Variants in STEAP1B observed in about 807,000 individuals in gnomAD.
The protein encoded by STEAP1B is STEAP family member 1B.
STEAP1B carries 13 observed loss-of-function variants against 27.9 expected under a neutral mutation model. That is an observed-to-expected ratio of 0.47 (90% CI 0.30 to 0.74). The LOEUF is 0.74. Among genes scored for constraint, STEAP1B ranks in the 30% least tolerant of loss-of-function variants. The probability of loss-of-function intolerance (pLI) is 0.06; values close to 1 mark genes in which losing one functional copy is unlikely to be tolerated. For synonymous variants in STEAP1B, 86 were observed against 107.1 expected (o/e 0.80, Z 1.22); for missense variants, 250 against 298.7 (o/e 0.84, Z 1.20).
At chr7:22,423,094 A>G (rs1240008677) in intron 4 of STEAP1B, among the ~76,000 whole-genome samples, 1 of 152,234 alleles carries the variant, frequency 6.6e-6, no homozygotes, top group Non-Finnish European at 1.5e-5. Flanking sequence ...AGACAAGTGA[A>G]GGAGCTCAGT....
intron 1 of STEAP1B, among the ~76,000 whole-genome samples, chr7:22,496,271 G>A (rs578250383): frequency 5.3e-4 from 81 of 152,098 alleles, no homozygotes; most frequent in Non-Finnish European, 8.5e-4. Context: ...ACAATGTGAC[G>A]ATGTTTTAAG....
chr7:22,475,211 G>T (rs1195735638), intron 4 of STEAP1B, among the ~76,000 whole-genome samples: 1 of 152,270 alleles, frequency 6.6e-6, no homozygotes, highest in East Asian at 1.9e-4. Context: ...CTCCTAACGG[G>T]CACCTGGCAT....
intron 4 of STEAP1B, among the ~76,000 whole-genome samples, chr7:22,459,998 G>A (rs1785651200): frequency 6.6e-6 from 1 of 152,092 alleles, no homozygotes. Context: ...TTAAATGGAG[G>A]AATTTATGAG....
In STEAP1B at chr7:22,494,816, A is replaced by T; in HGVS notation, c.40T>A (p.Trp14Arg). 1.3e-6 allele frequency: 2 copies of T among 1,590,204 alleles called. No individual in the cohort carries two copies. The highest frequency in any genetic ancestry group is 1.7e-6 in the Non-Finnish European group (2 of 1,167,354). ...AAATTTCTCCTAGGCTTCATTTTCC[A>T]AATTTCTTCTTGGTTTGTGATGTCT... ...RKDITNQEEI[W>R]KMKPRRNLED... The change falls in exon 2 of 5, where the codon TGG becomes AGG. Residue 14 changes from tryptophan to arginine, a missense_variant. Trp to Arg is a moderately radical substitution (Grantham distance 101). Coordinates refer to ENST00000678116, the MANE Select transcript of STEAP1B (RefSeq NM_001382447.1).
At chr7:22,436,639 T>C (rs1347022311) in intron 4 of STEAP1B, among the ~76,000 whole-genome samples, 3 of 151,638 alleles carry the variant, frequency 2.0e-5, no homozygotes, top group Non-Finnish European at 2.9e-5. Context: ...AGTGAGAACA[T>C]GTGGTATTTG....
At chr7:22,477,731 GT>G (rs879851121) in intron 4 of STEAP1B, among the ~76,000 whole-genome samples, 158 of 147,780 alleles carry the variant, frequency 1.1e-3, no homozygotes, top group Non-Finnish European at 9.8e-4. Flanking sequence ...TCAACAAGAG[GT>G]TTTTTTTTTT....
chr7:22,454,618 C>A (rs1484524445), intron 4 of STEAP1B, among the ~76,000 whole-genome samples: 1 of 151,940 alleles, frequency 6.6e-6, no homozygotes, highest in East Asian at 1.9e-4. Flanking sequence ...AGAGGCTGCA[C>A]ATGCTGCAGT....
intron 4 of STEAP1B, among the ~76,000 whole-genome samples, chr7:22,449,064 A>C (rs1785447869): frequency 6.6e-6 from 1 of 152,212 alleles, no homozygotes; most frequent in South Asian, 2.1e-4. Context: ...GTTTTGATAT[A>C]GGTATGCAAC....
intron 1 of STEAP1B, among the ~76,000 whole-genome samples, chr7:22,498,683 G>A (rs1786483198): frequency 6.6e-6 from 1 of 152,242 alleles, no homozygotes; most frequent in South Asian, 2.1e-4. Context: ...TATCCTAGAA[G>A]AGGATAAAGT....
chr7:22,478,440 C>T (rs1786011058), intron 4 of STEAP1B, among the ~76,000 whole-genome samples: 1 of 152,210 alleles, frequency 6.6e-6, no homozygotes, highest in Admixed American at 6.5e-5. Flanking sequence ...GGATTTTCTG[C>T]ACCTTTCTTT....
At chr7:22,487,510 G>T (rs1321643677) in intron 4 of STEAP1B, among the ~76,000 whole-genome samples, 1 of 151,798 alleles carries the variant, frequency 6.6e-6, no homozygotes, top group African/African-American at 2.4e-5. Flanking sequence ...TAAAACACAT[G>T]CCGGGCGCGT....
chr7:22,465,790 T>G (rs1246361639), intron 4 of STEAP1B, among the ~76,000 whole-genome samples: 1 of 152,124 alleles, frequency 6.6e-6, no homozygotes, highest in Admixed American at 6.5e-5. Context: ...GCCTTATGCA[T>G]AGAAATAGTC....
intron 4 of STEAP1B, among the ~76,000 whole-genome samples, chr7:22,468,844 C>T (rs748920325): frequency 8.5e-5 from 13 of 152,180 alleles, no homozygotes; most frequent in Non-Finnish European, 1.9e-4. Flanking sequence ...ACATTATTCA[C>T]GTGTTTGTTG....
At chr7:22,487,518 C>T (rs934223441) in intron 4 of STEAP1B, among the ~76,000 whole-genome samples, 2 of 148,892 alleles carry the variant, frequency 1.3e-5, no homozygotes, top group African/African-American at 2.5e-5. Context: ...ATGCCGGGCG[C>T]GTTGGCTCAT....
chr7:22,495,068 T>C (rs143152183), intron 1 of STEAP1B, among the ~76,000 whole-genome samples, 182 bp from the exon 2 acceptor site: 5 of 152,350 alleles, frequency 3.3e-5, no homozygotes, highest in African/African-American at 1.2e-4. Context: ...TTCAAACCAA[T>C]GCCCTCTTAT....
At chr7:22,499,911 G>T (rs1332112368) in intron 1 of STEAP1B, among the ~76,000 whole-genome samples, 1 of 152,190 alleles carries the variant, frequency 6.6e-6, no homozygotes, top group Non-Finnish European at 1.5e-5. Context: ...CAACCCAGCT[G>T]GGCTGGAAGA....
Position 22,419,686 on chromosome 7 carries a change from A to C in STEAP1B, c.*118T>G, listed in dbSNP as rs904462490. On this transcript the variant is annotated 3_prime_UTR_variant, in exon 5 of 5. Transcript: ENST00000678116. ...TGTTGACAGAGCAGCCGTCACCTGCAGCATGGCTGTTCATTGTGGCAGAGG... is the reference window on the plus strand; with the variant it reads ...TGTTGACAGAGCAGCCGTCACCTGCCGCATGGCTGTTCATTGTGGCAGAGG... 20 of 1,196,614 alleles carry C rather than the reference A, an allele frequency of 1.7e-5. No individual in the cohort carries two copies. In the African/African-American group the frequency reaches 2.9e-4, roughly 17 times the overall value. The allele number at this position is 1,196,614 out of a possible 1,614,324, so 74.1% of individuals were successfully genotyped here. A position where few individuals can be genotyped will look rare whatever the true frequency, so the allele number is the denominator to read the frequency against.
chr7:22,451,134 T>C (rs3885186), intron 4 of STEAP1B, among the ~76,000 whole-genome samples: 36,193 of 151,804 alleles, frequency 0.24, 5,664 homozygotes, highest in Non-Finnish European at 0.33. Flanking sequence ...GAGGCAGAGA[T>C]TGCAGTGAGC....
intron 4 of STEAP1B, among the ~76,000 whole-genome samples, chr7:22,437,145 C>T (rs948470216): frequency 1.2e-4 from 19 of 152,162 alleles, no homozygotes; most frequent in Non-Finnish European, 2.5e-4. Context: ...AACTTAAATT[C>T]ACAAGCTAAT....
Sources: gnomAD v4.1 joint callset for allele counts (sites outside exome capture counted in the v4.1 genomes callset) on GRCh38, gnomAD v4.1.1 for gene constraint, MANE v1.5 for transcripts, NCBI Gene and HGNC (gene_info 2026-07-23, HGNC 2026-07-21) for gene names.